Variants in SPTSSA observed in about 807,000 individuals in gnomAD.
The protein encoded by SPTSSA is serine palmitoyltransferase small subunit A, also known as small subunit of serine palmitoyltransferase A.
SPTSSA carries 8 observed loss-of-function variants against 9.1 expected under a neutral mutation model. That is an observed-to-expected ratio of 0.88 (90% confidence interval 0.51 to 1.58). SPTSSA has a LOEUF of 1.58. Ranked by LOEUF, SPTSSA falls within the 40% of genes most tolerant of loss-of-function variation. The pLI is 0.00. For synonymous variants in SPTSSA, 42 were observed against 37.7 expected, an observed-to-expected ratio of 1.11 and a Z score of -0.41; for missense variants, 100 against 93.8, an observed-to-expected ratio of 1.07 and a Z score of -0.27.
chr14:34,458,798 T>G (rs1878546803), intron 1 of SPTSSA, among the ~76,000 whole-genome samples: 2 of 151,774 alleles, frequency 1.3e-5, no homozygotes, highest in Admixed American at 1.3e-4. Context: ...GCTATTTGAC[T>G]TGGGAAGTCA....
intron 1 of SPTSSA, among the ~76,000 whole-genome samples, chr14:34,451,326 T>G (rs577086018): frequency 6.6e-6 from 1 of 152,136 alleles, no homozygotes; most frequent in Non-Finnish European, 1.5e-5. Context: ...TTAAGTCACA[T>G]TAAATCACAT....
At chr14:34,448,037 T>C (rs1279792232) in intron 1 of SPTSSA, among the ~76,000 whole-genome samples, 1 of 151,956 alleles carries the variant, frequency 6.6e-6, no homozygotes, top group African/African-American at 2.4e-5. Context: ...GGCAGATCAC[T>C]TGAGGTCAGG....
chr14:34,444,520 G>A (rs141689802), intron 1 of SPTSSA, among the ~76,000 whole-genome samples: 1,756 of 152,204 alleles, frequency 0.012, 34 homozygotes, highest in African/African-American at 0.038. Flanking sequence ...TTGGGAGGCC[G>A]ACGTGGGTGG....
intron 1 of SPTSSA, among the ~76,000 whole-genome samples, chr14:34,441,563 A>G (rs1040799906): frequency 2.0e-5 from 3 of 152,212 alleles, no homozygotes; most frequent in Non-Finnish European, 2.9e-5. Context: ...CACAGTTAAC[A>G]TATTTTGGCA....
intron 1 of SPTSSA, among the ~76,000 whole-genome samples, chr14:34,441,831 A>ATT: frequency 7.1e-6 from 1 of 141,232 alleles, no homozygotes; most frequent in African/African-American, 2.6e-5. Flanking sequence ...GTCTTTTTCC[A>ATT]TTTTTTTTTT....
rs573693599 is a variant in SPTSSA at position 34,455,014 on chromosome 14, G to A, written c.112+7082C>T. ...AGGCAGGAGAATTGCTTGAACCCAGGAGGCGGAGGCTACAGTGACCCAAGA... is the reference window on the plus strand; with the variant it reads ...AGGCAGGAGAATTGCTTGAACCCAGAAGGCGGAGGCTACAGTGACCCAAGA... On this transcript the variant is annotated intron_variant, in intron 1 of 1. Coordinates refer to ENST00000298130, the MANE Select transcript of SPTSSA (RefSeq NM_138288.4). Among the ~76,000 whole-genome samples the A allele has an allele frequency of 7.3e-5, 11 of 151,204 alleles. No individual in the cohort carries two copies. In the South Asian group the frequency reaches 2.3e-3, roughly 32 times the overall value.
chr14:34,449,422 G>T (rs1289814713), intron 1 of SPTSSA, among the ~76,000 whole-genome samples: 1 of 151,554 alleles, frequency 6.6e-6, no homozygotes, highest in Admixed American at 6.6e-5. Flanking sequence ...TTAATTTCTA[G>T]ATCACCTGAC....
intron 1 of SPTSSA, among the ~76,000 whole-genome samples, chr14:34,451,665 G>C (rs1392415935): frequency 6.7e-6 from 1 of 148,716 alleles, no homozygotes; most frequent in Non-Finnish European, 1.5e-5. Context: ...GGAGCTTGCA[G>C]TGAGATCGCG....
chr14:34,437,458 A>T (rs1330392364), intron 1 of SPTSSA, among the ~76,000 whole-genome samples: 19 of 152,230 alleles, frequency 1.2e-4, no homozygotes, highest in Admixed American at 1.2e-3. Context: ...TGGTTAGACT[A>T]ACCCATCTTC....
intron 1 of SPTSSA, among the ~76,000 whole-genome samples, chr14:34,449,571 TG>T (rs1230065356): frequency 6.7e-6 from 1 of 149,044 alleles, no homozygotes; most frequent in African/African-American, 2.5e-5. Flanking sequence ...GGCACGATCT[TG>T]GCTCACTGTA....
intron 1 of SPTSSA, among the ~76,000 whole-genome samples, chr14:34,459,245 C>G (rs1956138608): frequency 6.6e-6 from 1 of 151,412 alleles, no homozygotes; most frequent in East Asian, 1.9e-4. Flanking sequence ...CCAGACTGGC[C>G]AACATGGTAA....
intron 1 of SPTSSA, 25 bp from the exon 2 acceptor site, chr14:34,435,329 T>C (rs1291424428): frequency 1.3e-6 from 2 of 1,528,858 alleles, no homozygotes; most frequent in Admixed American, 3.5e-5. Context: ...AGGAAACTTA[T>C]TATTATTAAT....
At chr14:34,452,171 G>A (rs796679626) in intron 1 of SPTSSA, among the ~76,000 whole-genome samples, 16 of 150,750 alleles carry the variant, frequency 1.1e-4, no homozygotes, top group African/African-American at 3.7e-4. Flanking sequence ...ATTTGAACCC[G>A]GGAGGCGGAG....
At chr14:34,454,105 A>C (rs1437212319) in intron 1 of SPTSSA, among the ~76,000 whole-genome samples, 3 of 152,192 alleles carry the variant, frequency 2.0e-5, no homozygotes, top group African/African-American at 7.2e-5. Context: ...ACTTAAGCCC[A>C]GGAGTTCAAG....
chr14:34,455,731 A>G (rs1566426593), intron 1 of SPTSSA, among the ~76,000 whole-genome samples: 1 of 151,724 alleles, frequency 6.6e-6, no homozygotes, highest in Non-Finnish European at 1.5e-5. Context: ...CAGGAGTTCA[A>G]GAACAGCCTG....
intron 1 of SPTSSA, among the ~76,000 whole-genome samples, chr14:34,450,691 G>A (rs1883505291): frequency 6.6e-6 from 1 of 152,168 alleles, no homozygotes; most frequent in Admixed American, 6.5e-5. Context: ...TGACTTTTAA[G>A]TGTTTGACAG....
In SPTSSA at chr14:34,444,611, G is replaced by A. The variant is rs1319962639; in HGVS notation, c.113-9307C>T. 1.3e-5 allele frequency among the ~76,000 whole-genome samples: 2 copies of A among 152,042 alleles called. 1 individual carries two copies. Among genetic ancestry groups the A allele is most frequent in the African/African-American group, 4.8e-5 (2 of 41,384 alleles). ...TACTGAAAATACAAAAATTAGCTGGGCGTGGTGGCAGGCACCTGTAACCCC... is the reference window on the plus strand; with the variant it reads ...TACTGAAAATACAAAAATTAGCTGGACGTGGTGGCAGGCACCTGTAACCCC... On this transcript the variant is annotated intron_variant, in intron 1 of 1. Coordinates refer to ENST00000298130, the MANE Select transcript of SPTSSA (RefSeq NM_138288.4).
rs531835187 is a variant in SPTSSA at position 34,455,392 on chromosome 14, G to GA, written c.112+6703dup. On this transcript the variant is annotated intron_variant, in intron 1 of 1. Coordinates refer to ENST00000298130, the MANE Select transcript of SPTSSA (RefSeq NM_138288.4). Reference sequence around the variant, plus strand: ...AAAGAGCGAAACTGTCTCAAAAAAAGAAAAAAAAAAGGAGTATATTTTTTA... The same window carrying GA: ...AAAGAGCGAAACTGTCTCAAAAAAAGAAAAAAAAAAAGGAGTATATTTTTTA... Among the ~76,000 whole-genome samples, 85 of 144,124 alleles carry GA rather than the reference G, an allele frequency of 5.9e-4. 1 individual carries two copies. The highest frequency in any genetic ancestry group is 1.6e-3 in the African/African-American group (64 of 39,266). The allele number at this position is 144,124 out of a possible 152,430, so 94.6% of individuals were successfully genotyped here.
chr14:34,443,198 G>GGT lies in SPTSSA; in HGVS notation c.113-7896_113-7895dup, dbSNP rs76985104. On this transcript the variant is annotated intron_variant, in intron 1 of 1. Coordinates refer to ENST00000298130, the MANE Select transcript of SPTSSA (RefSeq NM_138288.4). ...TTTGAGATTGAGTTTTCCTCTAGGGGGTGTGTGTGTGTGTGTGTGTGTGTG... is the reference window on the plus strand; with the variant it reads ...TTTGAGATTGAGTTTTCCTCTAGGGGGTGTGTGTGTGTGTGTGTGTGTGTGTG... 9.5e-3 allele frequency among the ~76,000 whole-genome samples: 109 copies of GGT among 11,486 alleles called. 3 individuals carry two copies. Among genetic ancestry groups the GGT allele is most frequent in the East Asian group, 0.019 (15 of 792 alleles). 7.5% of individuals were successfully genotyped at this position (11,486 alleles called of 152,430 possible).
Sources: gnomAD v4.1 joint callset for allele counts (sites outside exome capture counted in the v4.1 genomes callset) on GRCh38, gnomAD v4.1.1 for gene constraint, MANE v1.5 for transcripts, NCBI Gene and HGNC (gene_info 2026-07-23, HGNC 2026-07-21) for gene names.